The following MSH3 variants were observed in gnomAD, a reference collection of about 807,000 sequenced individuals.
The protein encoded by MSH3 is DNA mismatch repair protein Msh3.
A neutral mutation model predicts 123.3 loss-of-function variants in MSH3; 106 were observed. That is an observed-to-expected ratio of 0.86 (90% CI 0.73 to 1.01). The LOEUF (loss-of-function observed/expected upper bound fraction) is 1.01, where lower values mean the gene tolerates loss of function less well. Among genes scored for constraint, MSH3 ranks in the 50% least tolerant of loss-of-function variants. MSH3 has a pLI of 0.00. For synonymous variants in MSH3, 515 were observed against 481.4 expected (o/e 1.07, Z -0.91); for missense variants, 1,459 against 1,347.6 (o/e 1.08, Z -1.29).
intron 7 of MSH3, among the ~76,000 whole-genome samples, chr5:80,675,445 A>C (rs952768630): frequency 6.6e-6 from 1 of 152,132 alleles, no homozygotes; most frequent in Non-Finnish European, 1.5e-5. Flanking sequence ...AGGCCTCAGG[A>C]AACTTACAAT....
In MSH3 at chr5:80,656,525, A is replaced by C; in HGVS notation, c.352A>C (p.Asn118His). 1 of 1,614,178 alleles carries C rather than the reference A, an allele frequency of 6.2e-7. No homozygotes were observed. The highest frequency in any genetic ancestry group is 1.1e-5 in the South Asian group (1 of 91,090). Residue 118 changes from asparagine (N) to histidine (H), a missense_variant, in exon 2 of 24, where the codon AAC becomes CAC. Asn to His is a moderately conservative substitution (Grantham distance 68). Transcript: ENST00000265081. ...EGGSDLGMSG[N>H]SEPKKCLRTR... The stretch of plus-strand genomic sequence containing the variant: ...AGGAAGTGATCTGGGAATGTCTGGC[A>C]ACTCTGGTGAGTTGTGGGGGATTCT...
intron 20 of MSH3, among the ~76,000 whole-genome samples, chr5:80,832,847 A>T (rs1745443609): frequency 6.6e-6 from 1 of 152,064 alleles, no homozygotes; most frequent in Non-Finnish European, 1.5e-5. Context: ...TCTAGTTATC[A>T]TTCAATATGA....
At chr5:80,686,220 C>T (rs114817069) in intron 8 of MSH3, among the ~76,000 whole-genome samples, 168 of 152,254 alleles carry the variant, frequency 1.1e-3, no homozygotes, top group African/African-American at 3.9e-3. Flanking sequence ...AAGATTAAGT[C>T]TGACGTTTCT....
At chr5:80,779,566 T>G (rs895885766) in intron 17 of MSH3, among the ~76,000 whole-genome samples, 1 of 150,648 alleles carries the variant, frequency 6.6e-6, no homozygotes, top group Non-Finnish European at 1.5e-5. Flanking sequence ...TTTTTTTTTT[T>G]TTGAGGTGGA....
intron 8 of MSH3, among the ~76,000 whole-genome samples, chr5:80,686,094 G>T (rs1750081904): frequency 6.6e-6 from 1 of 152,128 alleles, no homozygotes; most frequent in South Asian, 2.1e-4. Context: ...AGAATGTTTA[G>T]ATCATTCATG....
intron 3 of MSH3, among the ~76,000 whole-genome samples, chr5:80,668,555 C>T (rs963004031): frequency 2.0e-5 from 3 of 152,224 alleles, no homozygotes; most frequent in Non-Finnish European, 2.9e-5. Context: ...CTGCCCTGAG[C>T]ATGTGCACAC....
intron 8 of MSH3, among the ~76,000 whole-genome samples, chr5:80,712,526 T>A (rs1410474579): frequency 1.3e-5 from 2 of 152,186 alleles, no homozygotes; most frequent in African/African-American, 4.8e-5. Flanking sequence ...TTCAGCCATC[T>A]TTTTAATTTG....
At chr5:80,745,259 C>G (rs958194349) in intron 12 of MSH3, among the ~76,000 whole-genome samples, 2 of 152,102 alleles carry the variant, frequency 1.3e-5, no homozygotes, top group Non-Finnish European at 2.9e-5. Flanking sequence ...TAATTGGTCT[C>G]CAGCATGACC....
intron 20 of MSH3, among the ~76,000 whole-genome samples, chr5:80,832,959 T>C (rs1269185191): frequency 6.6e-6 from 1 of 152,150 alleles, no homozygotes; most frequent in Admixed American, 6.5e-5. Context: ...CCCACTCCAT[T>C]TGCCTGAGAG....
intron 4 of MSH3, among the ~76,000 whole-genome samples, 170 bp from the exon 5 acceptor site, chr5:80,672,074 C>T (rs1250715553): frequency 6.6e-6 from 1 of 152,120 alleles, no homozygotes; most frequent in Non-Finnish European, 1.5e-5. Context: ...AAACCATAGG[C>T]TTCTATACAG....
intron 19 of MSH3, among the ~76,000 whole-genome samples, chr5:80,802,438 G>T (rs1472136110): frequency 6.6e-6 from 1 of 151,444 alleles, no homozygotes; most frequent in African/African-American, 2.4e-5. Context: ...AAAATTGGGG[G>T]CACATAGTAG....
chr5:80,700,370 A>G (rs560244100), intron 8 of MSH3, among the ~76,000 whole-genome samples: 14 of 152,298 alleles, frequency 9.2e-5, no homozygotes, highest in African/African-American at 3.4e-4. Context: ...GACAGAACAA[A>G]TCAATTCTGG....
intron 20 of MSH3, among the ~76,000 whole-genome samples, chr5:80,819,446 A>ATGTGTGTG (rs35865568): frequency 0.078 from 10,689 of 136,674 alleles, 737 homozygotes; most frequent in East Asian, 0.28. Context: ...ATATATGTAT[A>ATGTGTGTG]TGTGTGTGTG....
intron 19 of MSH3, among the ~76,000 whole-genome samples, chr5:80,811,281 T>A (rs1013502504): frequency 2.0e-5 from 3 of 152,152 alleles, no homozygotes; most frequent in African/African-American, 7.2e-5. Context: ...CTCCTGCCCA[T>A]TTGTTTCACA....
rs1158289237 is a variant in MSH3, at chr5:80,875,789, A to G, written c.3341A>G (p.His1114Arg). Reference protein sequence around the residue: ...LKYFAKLWTMHNAQDLQKWTE... With the variant: ...LKYFAKLWTMRNAQDLQKWTE... ...TATTTTGCAAAGTTATGGACGATGC[A>G]TAATGCACAAGACCTGCAGAAGTGG... is the stretch of plus-strand genomic sequence containing the variant. The change falls in exon 24 of 24, where the codon CAT becomes CGT. Residue 1114 changes from histidine (H) to arginine (R), a missense_variant. Physicochemically the swap from His to Arg is conservative, Grantham distance 29. Transcript: ENST00000265081. 2.3e-5 allele frequency: 37 copies of G among 1,613,848 alleles called. No individual in the cohort carries two copies. Among genetic ancestry groups the G allele is most frequent in the Non-Finnish European group, 3.0e-5 (35 of 1,179,810 alleles).
At chr5:80,837,530 A>T (rs1003690667) in intron 20 of MSH3, among the ~76,000 whole-genome samples, 6 of 152,288 alleles carry the variant, frequency 3.9e-5, no homozygotes, top group African/African-American at 1.4e-4. Context: ...GTGAGCCAAG[A>T]TCGTACCATT....
intron 13 of MSH3, among the ~76,000 whole-genome samples, chr5:80,761,933 G>A (rs1476783378): frequency 6.6e-6 from 1 of 151,692 alleles, no homozygotes; most frequent in Non-Finnish European, 1.5e-5. Flanking sequence ...TATAATATAG[G>A]GTATTCTCCT....
In MSH3 at chr5:80,778,768, C is replaced by T. The variant is rs965659126; in HGVS notation, c.2367C>T (p.Tyr789=). ...ACTCTCCTTTTATTGTAGAAAATTA[C>T]AGACATCTGAATCAGCTCCGGGAGC... ...RFHSPFIVEN[Y]RHLNQLREQL... is the part of the protein sequence containing the mutation. Residue 789 remains tyrosine, a synonymous_variant, in exon 17 of 24, where the codon TAC becomes TAT. Coordinates refer to ENST00000265081, the MANE Select transcript of MSH3 (RefSeq NM_002439.5). The T allele has an allele frequency of 6.2e-6, 10 of 1,613,146 alleles. No homozygotes were observed. The African/African-American group carries it at 6.7e-5, about 11-fold the overall frequency.
chr5:80,659,139 C>A (rs1205972340), intron 2 of MSH3, among the ~76,000 whole-genome samples: 1 of 151,272 alleles, frequency 6.6e-6, no homozygotes, highest in Non-Finnish European at 1.5e-5. Context: ...GAGGCTGAGG[C>A]GGGAGAATCC....
Sources: allele counts gnomAD v4.1 joint callset (sites outside exome capture counted in the v4.1 genomes callset), GRCh38; gene constraint gnomAD v4.1.1; transcripts MANE v1.5; gene names NCBI Gene and HGNC (gene_info 2026-07-23, HGNC 2026-07-21).